Variants in GOLPH3 observed in about 807,000 individuals in gnomAD.
GOLPH3 encodes the protein golgi phosphoprotein 3, also known as coat protein GPP34.
A neutral mutation model predicts 28.5 loss-of-function variants in GOLPH3; 14 were observed. That is an observed-to-expected ratio of 0.49 (90% CI 0.32 to 0.77). The LOEUF is 0.77. GOLPH3 is among the 30% of genes least tolerant of loss of function. The pLI, the probability that GOLPH3 is intolerant of heterozygous loss-of-function variation, is 0.03. For missense variants in GOLPH3, 350 were observed against 393.7 expected, an observed-to-expected ratio of 0.89 and a Z score of 0.94; for synonymous variants, 158 against 159.2, an observed-to-expected ratio of 0.99 and a Z score of 0.06.
intron 2 of GOLPH3, among the ~76,000 whole-genome samples, chr5:32,137,908 TG>T (rs1022674780): frequency 1.1e-4 from 1 of 9,204 alleles, no homozygotes; most frequent in African/African-American, 4.5e-4. Flanking sequence ...CGGTTTTTTT[TG>T]TTTTTTTTTT....
chr5:32,163,011 G>A (rs1007318387), intron 1 of GOLPH3, among the ~76,000 whole-genome samples: 19 of 152,220 alleles, frequency 1.2e-4, no homozygotes, highest in African/African-American at 3.4e-4. Context: ...CCGGGAGGCA[G>A]AGCTTGCAGT....
At position 32,126,261 on chromosome 5, in the gene GOLPH3, G is replaced by A. The variant is rs1227642241; in HGVS notation, c.848C>T (p.Ala283Val). The stretch of plus-strand genomic sequence containing the variant: ...CGCCCACAGAACCTCATTGGTGTTG[G>A]CCTTCAGACATTCCACTTCAGGGTC... Reference protein sequence around the residue: ...DLDPEVECLKANTNEVLWAVV... With the variant: ...DLDPEVECLKVNTNEVLWAVV... The change falls in exon 4 of 4, where the codon GCC becomes GTC. Residue 283 changes from alanine (A) to valine (V), a missense_variant. Physicochemically the swap from Ala to Val is moderately conservative, Grantham distance 64. Coordinates refer to ENST00000265070, the MANE Select transcript of GOLPH3 (RefSeq NM_022130.4). 2 of 1,614,128 alleles carry A rather than the reference G, an allele frequency of 1.2e-6. No individual in the cohort carries two copies. Among genetic ancestry groups the A allele is most frequent in the Non-Finnish European group, 8.5e-7 (1 of 1,179,990 alleles).
At chr5:32,138,663 A>G (rs1193519926) in intron 2 of GOLPH3, among the ~76,000 whole-genome samples, 1 of 152,234 alleles carries the variant, frequency 6.6e-6, no homozygotes, top group East Asian at 1.9e-4. Flanking sequence ...GGTACTTAAT[A>G]TATTTTTCCA....
intron 2 of GOLPH3, among the ~76,000 whole-genome samples, chr5:32,141,208 G>A (rs1746053374): frequency 6.7e-6 from 1 of 150,038 alleles, no homozygotes; most frequent in Non-Finnish European, 1.5e-5. Flanking sequence ...CTTTCCTACA[G>A]AACTATTATT....
In GOLPH3 at chr5:32,126,594, T is replaced by C. The variant is rs762610384; in HGVS notation, c.515A>G (p.Asn172Ser). The stretch of plus-strand genomic sequence containing the variant: ...GTTTTTAGCTAATCGTTCCCGTACA[T>C]TTCTTAACTGATAATGCAATTTTAA... ...NPLKLHYQLR[N>S]VRERLAKNLV... is the part of the protein sequence containing the mutation. Residue 172 changes from asparagine to serine, a missense_variant, in exon 4 of 4, where the codon AAT becomes AGT. Transcript: ENST00000265070. 3 of 1,613,660 alleles carry C rather than the reference T, an allele frequency of 1.9e-6. No individual in the cohort carries two copies. The highest frequency in any genetic ancestry group is 2.2e-5 in the South Asian group (2 of 91,012).
chr5:32,162,913 C>A (rs1023698954), intron 1 of GOLPH3, among the ~76,000 whole-genome samples: 2 of 152,064 alleles, frequency 1.3e-5, no homozygotes, highest in African/African-American at 2.4e-5. Flanking sequence ...CCCGTCTCTA[C>A]CAAAAATACA....
chr5:32,132,969 C>T (rs1745853521), intron 3 of GOLPH3, among the ~76,000 whole-genome samples: 1 of 152,128 alleles, frequency 6.6e-6, no homozygotes, highest in South Asian at 2.1e-4. Flanking sequence ...CAGCAGCATT[C>T]CCAATGTATG....
chr5:32,127,985 C>T (rs1291320636), intron 3 of GOLPH3, among the ~76,000 whole-genome samples: 1 of 151,874 alleles, frequency 6.6e-6, no homozygotes, highest in Non-Finnish European at 1.5e-5. Context: ...ACAGCAGTCC[C>T]ATCACGTTAA....
chr5:32,159,844 C>T (rs1746536334), intron 1 of GOLPH3, among the ~76,000 whole-genome samples: 1 of 152,190 alleles, frequency 6.6e-6, no homozygotes, highest in Non-Finnish European at 1.5e-5. Flanking sequence ...CACTCTAGAG[C>T]AGTGATACCT....
In GOLPH3 at chr5:32,173,988, G is replaced by A; in HGVS notation, c.47C>T (p.Thr16Ile). The A allele has an allele frequency of 7.3e-7, 1 of 1,365,220 alleles. No homozygotes were observed. The highest frequency in any genetic ancestry group is 9.4e-7 in the Non-Finnish European group (1 of 1,068,156). 84.6% of individuals were successfully genotyped at this position (1,365,220 alleles called of 1,614,324 possible). A position where few individuals can be genotyped will look rare whatever the true frequency, so the allele number is the denominator to read the frequency against. ...QRSSGLVQRRTEASRNAADKE... is the reference protein window; with the variant it reads ...QRSSGLVQRRIEASRNAADKE... ...GTCGGCGGCGTTGCGGGAGGCCTCG[G>A]TGCGCCGCTGCACCAGGCCGGAGCT... is the stretch of plus-strand genomic sequence containing the variant. Residue 16 changes from threonine (T) to isoleucine (I), a missense_variant, in exon 1 of 4, where the codon ACC becomes ATC. Physicochemically the swap from Thr to Ile is moderately conservative, Grantham distance 89. Coordinates refer to ENST00000265070, the MANE Select transcript of GOLPH3 (RefSeq NM_022130.4).
At position 32,125,149 on chromosome 5, in the gene GOLPH3, G is replaced by C. The variant is rs1399832492; in HGVS notation, c.*1063C>G. 1.3e-5 allele frequency: 2 copies of C among 152,592 alleles called. No individual in the cohort carries two copies. The highest frequency in any genetic ancestry group is 3.8e-4 in the East Asian group (2 of 5,202). The allele number at this position is 152,592 out of a possible 1,614,324, so 9.5% of individuals were successfully genotyped here. A position where few individuals can be genotyped will look rare whatever the true frequency, so the allele number is the denominator to read the frequency against. On this transcript the variant is annotated 3_prime_UTR_variant, in exon 4 of 4. Transcript: ENST00000265070. Reference sequence around the variant, plus strand: ...ACCAATTTACATGCAACATCTGCTAGGACTGACATTTGATTTTTTTCCCCA... The same window carrying C: ...ACCAATTTACATGCAACATCTGCTACGACTGACATTTGATTTTTTTCCCCA...
Position 32,158,025 on chromosome 5 carries a change from C to A in GOLPH3, c.226-14145G>T, listed in dbSNP as rs1489790251. 3.5e-4 allele frequency among the ~76,000 whole-genome samples: 21 copies of A among 59,258 alleles called. 1 individual carries two copies. The highest frequency in any genetic ancestry group is 3.1e-3 in the East Asian group (6 of 1,962). 38.9% of individuals were successfully genotyped at this position (59,258 alleles called of 152,430 possible). A position where few individuals can be genotyped will look rare whatever the true frequency, so the allele number is the denominator to read the frequency against. On this transcript the variant is annotated intron_variant, in intron 1 of 3. Transcript: ENST00000265070. ...AATAAATAAATAAATAAATAAAATA[C>A]ACACACACACACACACACACACACA...
At chr5:32,158,128 A>ACACACAC (rs1432947280) in intron 1 of GOLPH3, among the ~76,000 whole-genome samples, 1 of 41,692 alleles carries the variant, frequency 2.4e-5, no homozygotes, top group Admixed American at 2.7e-4. Flanking sequence ...ATAAATAAAT[A>ACACACAC]AAATACACAC....
intron 1 of GOLPH3, among the ~76,000 whole-genome samples, chr5:32,154,419 G>A (rs936778373): frequency 6.6e-6 from 1 of 152,168 alleles, no homozygotes; most frequent in Non-Finnish European, 1.5e-5. Flanking sequence ...ATGTAGTAGT[G>A]AGCAAAGACA....
intron 1 of GOLPH3, among the ~76,000 whole-genome samples, chr5:32,171,628 T>C (rs1213114661): frequency 6.6e-6 from 1 of 152,130 alleles, no homozygotes; most frequent in African/African-American, 2.4e-5. Flanking sequence ...AAAATGTCTA[T>C]AATAATGTTA....
intron 1 of GOLPH3, among the ~76,000 whole-genome samples, chr5:32,158,246 C>T (rs965686999): frequency 6.6e-6 from 1 of 151,612 alleles, no homozygotes; most frequent in Non-Finnish European, 1.5e-5. Flanking sequence ...CCATTCTCCC[C>T]AAACCTCTAA....
intron 1 of GOLPH3, among the ~76,000 whole-genome samples, chr5:32,160,446 A>G (rs1746547292): frequency 6.6e-6 from 1 of 152,214 alleles, no homozygotes; most frequent in Non-Finnish European, 1.5e-5. Flanking sequence ...ATTACTAAAC[A>G]GAGGTGATAA....
intron 1 of GOLPH3, among the ~76,000 whole-genome samples, chr5:32,153,381 GAATATAACTTGC>G (rs559358100): frequency 8.3e-4 from 121 of 145,152 alleles, no homozygotes; most frequent in African/African-American, 2.7e-3. Context: ...TGAGACTTTT[GAATATAACTTGC>G]AATATAATTA....
At chr5:32,166,350 T>C (rs2111895447) in intron 1 of GOLPH3, among the ~76,000 whole-genome samples, 1 of 152,336 alleles carries the variant, frequency 6.6e-6, no homozygotes, top group South Asian at 2.1e-4. Context: ...ATATTTGTAA[T>C]ACCTAAGTCA....
Sources: gnomAD v4.1 joint callset for allele counts (sites outside exome capture counted in the v4.1 genomes callset) on GRCh38, gnomAD v4.1.1 for gene constraint, MANE v1.5 for transcripts, NCBI Gene and HGNC (gene_info 2026-07-23, HGNC 2026-07-21) for gene names.